CELF2: variants seen among roughly 807,000 people sequenced by gnomAD.
The protein encoded by CELF2 is CUG triplet repeat RNA-binding protein 2.
In CELF2, 8 loss-of-function variants were observed where a neutral mutation model predicts 62.6. The ratio of observed to expected loss-of-function variants is 0.13; its 90% CI spans 0.07 to 0.23. The LOEUF (loss-of-function observed/expected upper bound fraction) is 0.23, where lower values mean the gene tolerates loss of function less well. Among genes scored for constraint, CELF2 ranks in the 10% least tolerant of loss-of-function variants. The pLI is 1.00. For synonymous variants in CELF2, 258 were observed against 250.0 expected, an observed-to-expected ratio of 1.03 and a Z score of -0.30; for missense variants, 333 against 671.0, an observed-to-expected ratio of 0.50 and a Z score of 5.56.
At chr10:10,790,466 C>A in the CELF2 span, among the ~76,000 whole-genome samples, 3 of 152,054 alleles carry the variant, frequency 2.0e-5, no homozygotes. Context: ...AACCATTGGT[C>A]CTTTTATAAA....
chr10:10,730,440 G>T, the CELF2 span, among the ~76,000 whole-genome samples: 1 of 152,242 alleles, frequency 6.6e-6, no homozygotes, highest in Non-Finnish European at 1.5e-5. Context: ...TCGTGCCACT[G>T]CACTCCATCC....
At chr10:11,195,666 C>T (rs1000953473) in intron 2 of CELF2, among the ~76,000 whole-genome samples, 3 of 152,206 alleles carry the variant, frequency 2.0e-5, no homozygotes, top group South Asian at 2.1e-4. Flanking sequence ...CAGACCTTGA[C>T]GTCACAAACC....
At chr10:11,048,267 A>T (rs1308505076) in intron 1 of CELF2, among the ~76,000 whole-genome samples, 1 of 152,258 alleles carries the variant, frequency 6.6e-6, no homozygotes, top group Admixed American at 6.5e-5. Flanking sequence ...AACACTCTTG[A>T]CAATAGAAAA....
intron 3 of CELF2, among the ~76,000 whole-genome samples, chr10:11,232,211 C>G (rs1346210292): frequency 6.6e-6 from 1 of 151,778 alleles, no homozygotes; most frequent in Non-Finnish European, 1.5e-5. Context: ...TCTCATTGTT[C>G]AGTTCCCACC....
the CELF2 span, among the ~76,000 whole-genome samples, chr10:10,728,020 C>T: frequency 6.6e-6 from 1 of 151,946 alleles, no homozygotes; most frequent in Non-Finnish European, 1.5e-5. Context: ...GTAGAGGTGT[C>T]ATGACTCATG....
chr10:10,721,322 T>C, the CELF2 span, among the ~76,000 whole-genome samples: 1 of 151,954 alleles, frequency 6.6e-6, no homozygotes, highest in Admixed American at 6.6e-5. Context: ...ACATACTTAA[T>C]GCATTTTACC....
intron 1 of CELF2, among the ~76,000 whole-genome samples, chr10:11,139,443 A>G (rs2060945089): frequency 1.3e-5 from 2 of 152,194 alleles, no homozygotes; most frequent in Admixed American, 1.3e-4. Context: ...TTGACTTTCG[A>G]GGAATATTTT....
intron 5 of CELF2, among the ~76,000 whole-genome samples, chr10:11,265,264 A>C (rs1415706564): frequency 1.3e-5 from 2 of 152,262 alleles, no homozygotes; most frequent in Non-Finnish European, 2.9e-5. Flanking sequence ...CACATCGTTG[A>C]TGCCAGAATT....
At chr10:10,858,481 C>A (rs967118215) in intron 1 of CELF2, among the ~76,000 whole-genome samples, 4 of 152,174 alleles carry the variant, frequency 2.6e-5, no homozygotes, top group African/African-American at 9.7e-5. Context: ...TTGTAACCTA[C>A]CCATCAGAGA....
intron 2 of CELF2, among the ~76,000 whole-genome samples, chr10:11,202,571 C>T (rs1290240478): frequency 6.6e-6 from 1 of 152,192 alleles, no homozygotes; most frequent in East Asian, 1.9e-4. Flanking sequence ...ATCAAACCGA[C>T]TTTAATATTA....
chr10:11,130,000 G>C (rs1346612464), intron 1 of CELF2, among the ~76,000 whole-genome samples: 1 of 152,158 alleles, frequency 6.6e-6, no homozygotes, highest in Non-Finnish European at 1.5e-5. Flanking sequence ...GCTTTCTCTT[G>C]TGGGCATTCA....
intron 1 of CELF2, among the ~76,000 whole-genome samples, chr10:11,036,421 A>G (rs766533969): frequency 1.3e-5 from 2 of 152,206 alleles, no homozygotes; most frequent in Non-Finnish European, 2.9e-5. Context: ...AGGTACAGTT[A>G]CTAATTGAGG....
intron 3 of CELF2, among the ~76,000 whole-genome samples, chr10:11,228,242 A>G (rs78323766): frequency 0.029 from 4,476 of 152,334 alleles, 225 homozygotes; most frequent in African/African-American, 0.1. Context: ...ATGTTCAAGT[A>G]TTAAAAGTAG....
At chr10:11,055,440 A>G (rs2065013467) in intron 1 of CELF2, among the ~76,000 whole-genome samples, 1 of 152,240 alleles carries the variant, frequency 6.6e-6, no homozygotes. Flanking sequence ...CTGACCGAGT[A>G]TCATTTTCCT....
At chr10:10,529,407 C>T in the CELF2 span, among the ~76,000 whole-genome samples, 1 of 152,128 alleles carries the variant, frequency 6.6e-6, no homozygotes, top group African/African-American at 2.4e-5. Context: ...AGTGTGTTGG[C>T]AGGGCACAGT....
chr10:10,888,075 T>C (rs1248877910), intron 1 of CELF2, among the ~76,000 whole-genome samples: 1 of 152,156 alleles, frequency 6.6e-6, no homozygotes, highest in African/African-American at 2.4e-5. Context: ...ACCCAGCCTG[T>C]GTAGACTTTT....
the CELF2 span, among the ~76,000 whole-genome samples, chr10:10,636,064 A>C: frequency 6.6e-6 from 1 of 152,236 alleles, no homozygotes; most frequent in African/African-American, 2.4e-5. Context: ...AAATATATCA[A>C]ATAACTTAAG....
At chr10:10,717,404 T>C in the CELF2 span, among the ~76,000 whole-genome samples, 1 of 152,034 alleles carries the variant, frequency 6.6e-6, no homozygotes, top group Non-Finnish European at 1.5e-5. Flanking sequence ...CTTAGTCAAA[T>C]ACAGACACCT....
chr10:10,561,791 C>G, the CELF2 span, among the ~76,000 whole-genome samples: 1 of 152,184 alleles, frequency 6.6e-6, no homozygotes, highest in Non-Finnish European at 1.5e-5. Context: ...CAGGACCCTT[C>G]CTGGCTGGGT....
Sources: allele counts gnomAD v4.1 joint callset (sites outside exome capture counted in the v4.1 genomes callset), GRCh38; gene constraint gnomAD v4.1.1; transcripts MANE v1.5; gene names NCBI Gene and HGNC (gene_info 2026-07-23, HGNC 2026-07-21).